Variants in PCMT1 observed in about 807,000 individuals in gnomAD.
The protein encoded by PCMT1 is protein-L-isoaspartate (D-aspartate) O-methyltransferase, also known as protein-L-isoaspartate(D-aspartate) O-methyltransferase.
In PCMT1, 9 loss-of-function variants were observed where a neutral mutation model predicts 29.2. That is an observed-to-expected ratio of 0.31 (90% CI 0.19 to 0.54). The LOEUF (loss-of-function observed/expected upper bound fraction) is 0.54, where lower values mean the gene tolerates loss of function less well. Among genes scored for constraint, PCMT1 ranks in the 20% least tolerant of loss-of-function variants. The pLI is 0.95. For missense variants in PCMT1, 184 were observed against 282.2 expected (o/e 0.65, Z 2.49); for synonymous variants, 98 against 97.5 (o/e 1.00, Z -0.03).
intron 2 of PCMT1, chr6:149,772,174 G>A: frequency 3.6e-5 from 16 of 440,440 alleles, no homozygotes; most frequent in South Asian, 2.6e-4. Flanking sequence ...AGAAGATCCT[G>A]GGGAGCTTCT....
chr6:149,751,476 CTTTTTTTTTTT>C (rs76128652), intron 1 of PCMT1, among the ~76,000 whole-genome samples: 22,833 of 116,616 alleles, frequency 0.2, 2,146 homozygotes, highest in Middle Eastern at 0.23. Context: ...ATGGTTGGTA[CTTTTTTTTTTT>C]TTTTTTTTTT....
At chr6:149,767,232 C>T (rs754103312) in intron 1 of PCMT1, among the ~76,000 whole-genome samples, 27 of 149,172 alleles carry the variant, frequency 1.8e-4, no homozygotes, top group Non-Finnish European at 3.7e-4. Context: ...GAAATTCATT[C>T]ATGTTGGGTA....
intron 1 of PCMT1, among the ~76,000 whole-genome samples, chr6:149,756,650 C>A (rs1474091469): frequency 6.6e-6 from 1 of 150,454 alleles, no homozygotes; most frequent in African/African-American, 2.4e-5. Context: ...TAGGCATGAG[C>A]CCCTGCGCCC....
chr6:149,763,207 TATG>T lies in PCMT1; in HGVS notation c.56-7952_56-7950del, dbSNP rs1414630882. On this transcript the variant is annotated intron_variant, in intron 1 of 7. Coordinates refer to ENST00000464889, the MANE Select transcript of PCMT1 (RefSeq NM_001360452.2). ...CTATGATATCTATGATATATATATC[TATG>T]ATATCTATGATATAAATATCTATGA... Among the ~76,000 whole-genome samples the T allele has an allele frequency of 2.6e-4, 12 of 45,886 alleles. 4 individuals carry two copies. The highest frequency in any genetic ancestry group is 3.1e-5 in the Non-Finnish European group (1 of 31,780). 30.1% of individuals were successfully genotyped at this position (45,886 alleles called of 152,430 possible).
At chr6:149,788,601 T>C (rs1308412076) in intron 3 of PCMT1, among the ~76,000 whole-genome samples, 3 of 152,254 alleles carry the variant, frequency 2.0e-5, no homozygotes, top group African/African-American at 7.2e-5. Context: ...TGAAGTATCT[T>C]AGCAGAGGCA....
Position 149,762,947 on chromosome 6 carries a change from C to CTATGATATGTATATCTATGATATA in PCMT1, c.56-8206_56-8183dup, listed in dbSNP as rs1335009980. Reference sequence around the variant, plus strand: ...TCTATGATATATATGATATATATATCTATGATATGTATATCTATGATATAT... The same window carrying CTATGATATGTATATCTATGATATA: ...TCTATGATATATATGATATATATATCTATGATATGTATATCTATGATATATATGATATGTATATCTATGATATAT... On this transcript the variant is annotated intron_variant, in intron 1 of 7. Transcript: ENST00000464889. Among the ~76,000 whole-genome samples, 123 of 40,172 alleles carry CTATGATATGTATATCTATGATATA rather than the reference C, an allele frequency of 3.1e-3. 23 individuals are homozygous for CTATGATATGTATATCTATGATATA. The highest frequency in any genetic ancestry group is 3.8e-3 in the Non-Finnish European group (108 of 28,792). 26.4% of individuals were successfully genotyped at this position (40,172 alleles called of 152,430 possible).
Position 149,785,891 on chromosome 6 carries a change from T to C in PCMT1, c.193-4063T>C, listed in dbSNP as rs1446118511. On this transcript the variant is annotated intron_variant, in intron 3 of 7. Coordinates refer to ENST00000464889, the MANE Select transcript of PCMT1 (RefSeq NM_001360452.2). The stretch of plus-strand genomic sequence containing the variant: ...TTTCTATTCCACAAAGCCGCCATTG[T>C]CATCCTGGCCCGTTCTCAATGAGCT... Among the ~76,000 whole-genome samples, 17 of 152,304 alleles carry C rather than the reference T, an allele frequency of 1.1e-4. No individual in the cohort carries two copies. The South Asian group carries it at 3.5e-3, about 32-fold the overall frequency.
intron 4 of PCMT1, among the ~76,000 whole-genome samples, chr6:149,791,736 A>G (rs1172170425): frequency 6.6e-6 from 1 of 152,218 alleles, no homozygotes; most frequent in Non-Finnish European, 1.5e-5. Context: ...GTCCTCATTA[A>G]TGGATATCAG....
chr6:149,751,562 A>C (rs139394852), intron 1 of PCMT1, among the ~76,000 whole-genome samples: 7,019 of 147,428 alleles, frequency 0.048, 237 homozygotes, highest in Non-Finnish European at 0.074. Flanking sequence ...GCTCACTGCA[A>C]CCTCCGCCTC....
At chr6:149,756,393 A>G (rs1786505103) in intron 1 of PCMT1, among the ~76,000 whole-genome samples, 2 of 150,424 alleles carry the variant, frequency 1.3e-5, no homozygotes, top group South Asian at 4.2e-4. Context: ...CTGTCGCCCA[A>G]GCTGGAGTGC....
chr6:149,763,547 T>G (rs1016438005), intron 1 of PCMT1, among the ~76,000 whole-genome samples: 15 of 152,092 alleles, frequency 9.9e-5, no homozygotes, highest in Non-Finnish European at 1.8e-4. Context: ...TTAGAGTTTT[T>G]AGTAACTTCC....
At chr6:149,769,803 A>T (rs1404373420) in intron 1 of PCMT1, among the ~76,000 whole-genome samples, 3 of 122,762 alleles carry the variant, frequency 2.4e-5, no homozygotes, top group African/African-American at 9.6e-5. Context: ...TTTTGTGGAG[A>T]CAGGGCCTAT....
intron 1 of PCMT1, among the ~76,000 whole-genome samples, chr6:149,760,852 AAAAC>A (rs1468296132): frequency 3.3e-5 from 5 of 152,184 alleles, no homozygotes; most frequent in South Asian, 2.1e-4. Flanking sequence ...TCCGTCTCAA[AAAAC>A]AAACAAAACA....
Position 149,780,912 on chromosome 6 carries a change from G to T in PCMT1, c.192+7743G>T, listed in dbSNP as rs186113165. Among the ~76,000 whole-genome samples, 147 of 152,220 alleles carry T rather than the reference G, an allele frequency of 9.7e-4. 1 individual carries two copies. Among genetic ancestry groups the T allele is most frequent in the African/African-American group, 3.4e-3 (141 of 41,532 alleles). On this transcript the variant is annotated intron_variant, in intron 3 of 7. Coordinates refer to ENST00000464889, the MANE Select transcript of PCMT1 (RefSeq NM_001360452.2). ...ATGAAAACTCTATGTTTAACATTTTGTGGAATGGCCAAACCGTTTTTCAAA... is the reference window on the plus strand; with the variant it reads ...ATGAAAACTCTATGTTTAACATTTTTTGGAATGGCCAAACCGTTTTTCAAA...
chr6:149,807,328 G>A (rs1482529193), intron 7 of PCMT1, among the ~76,000 whole-genome samples: 3 of 151,938 alleles, frequency 2.0e-5, no homozygotes, highest in African/African-American at 7.2e-5. Context: ...TAATTTATAT[G>A]TAAAAATATT....
At chr6:149,766,789 C>T (rs1203318040) in intron 1 of PCMT1, among the ~76,000 whole-genome samples, 1 of 152,184 alleles carries the variant, frequency 6.6e-6, no homozygotes, top group Non-Finnish European at 1.5e-5. Context: ...TAATCTCCTC[C>T]CTTCTCCTAT....
At chr6:149,783,142 A>G (rs112093663) in intron 3 of PCMT1, among the ~76,000 whole-genome samples, 1 of 151,922 alleles carries the variant, frequency 6.6e-6, no homozygotes, top group African/African-American at 2.4e-5. Flanking sequence ...TATTATTATT[A>G]TTTTTTTTCA....
intron 1 of PCMT1, chr6:149,765,717 A>G: frequency 2.9e-6 from 1 of 346,920 alleles, no homozygotes; most frequent in Non-Finnish European, 5.5e-6. Flanking sequence ...CTGTAATACC[A>G]GCACTTTGGG....
At chr6:149,779,137 G>C (rs540421780) in intron 3 of PCMT1, among the ~76,000 whole-genome samples, 1 of 152,016 alleles carries the variant, frequency 6.6e-6, no homozygotes, top group Non-Finnish European at 1.5e-5. Context: ...GTGTTCCATC[G>C]TTTTACATTC....
Sources: allele counts gnomAD v4.1 joint callset (sites outside exome capture counted in the v4.1 genomes callset), GRCh38; gene constraint gnomAD v4.1.1; transcripts MANE v1.5; gene names NCBI Gene and HGNC (gene_info 2026-07-23, HGNC 2026-07-21).